TBC1D5: variants seen among roughly 807,000 people sequenced by gnomAD.
TBC1D5 encodes TBC1 domain family, member 5.
A neutral mutation model predicts 100.3 loss-of-function variants in TBC1D5; 75 were observed. The observed-to-expected ratio is 0.75, with a 90% CI of 0.62 to 0.91. TBC1D5 has a LOEUF of 0.91. TBC1D5 is among the 40% of genes least tolerant of loss of function. The probability of loss-of-function intolerance (pLI) is 0.00; values close to 1 mark genes in which losing one functional copy is unlikely to be tolerated. For missense variants in TBC1D5, 910 were observed against 942.4 expected, an observed-to-expected ratio of 0.97 and a Z score of 0.45; for synonymous variants, 323 against 325.6, an observed-to-expected ratio of 0.99 and a Z score of 0.09.
intron 13 of TBC1D5, among the ~76,000 whole-genome samples, chr3:17,340,114 C>T (rs926539409): frequency 6.6e-6 from 1 of 152,242 alleles, no homozygotes; most frequent in Non-Finnish European, 1.5e-5. Context: ...GCTCAGAGCT[C>T]CCCAGATGGA....
At chr3:17,563,439 T>C (rs2096572386) in intron 2 of TBC1D5, among the ~76,000 whole-genome samples, 1 of 151,996 alleles carries the variant, frequency 6.6e-6, no homozygotes, top group Non-Finnish European at 1.5e-5. Flanking sequence ...TACAACACAA[T>C]GAATCAGGAA....
intron 9 of TBC1D5, 152 bp from the exon 10 acceptor site, chr3:17,376,765 T>C (rs1051931293): frequency 1.8e-6 from 1 of 541,192 alleles, no homozygotes; most frequent in Non-Finnish European, 3.2e-6. Context: ...AGCTACAAGA[T>C]GAGATTTTTA....
intron 14 of TBC1D5, among the ~76,000 whole-genome samples, chr3:17,307,099 G>A (rs115449940): frequency 9.6e-4 from 146 of 152,194 alleles, no homozygotes; most frequent in Non-Finnish European, 1.7e-3. Context: ...TGTTACTAGA[G>A]GCATAACAAG....
chr3:17,305,289 C>T (rs970853158), intron 14 of TBC1D5, among the ~76,000 whole-genome samples: 44 of 152,294 alleles, frequency 2.9e-4, no homozygotes, highest in African/African-American at 1.0e-3. Context: ...CTCTGAAATG[C>T]TTATGTTAAA....
chr3:17,411,815 C>A (rs1575768574), intron 4 of TBC1D5, among the ~76,000 whole-genome samples: 1 of 152,112 alleles, frequency 6.6e-6, no homozygotes, highest in Non-Finnish European at 1.5e-5. Flanking sequence ...AAGACTGAGG[C>A]ATGTGAATTG....
At chr3:17,543,624 C>A (rs561859625) in intron 2 of TBC1D5, among the ~76,000 whole-genome samples, 18 of 151,960 alleles carry the variant, frequency 1.2e-4, no homozygotes, top group African/African-American at 4.1e-4. Context: ...GGTGACAAAG[C>A]AAGACCCCAT....
At chr3:17,715,141 A>G (rs1406941927) in intron 1 of TBC1D5, among the ~76,000 whole-genome samples, 1 of 152,260 alleles carries the variant, frequency 6.6e-6, no homozygotes, top group Non-Finnish European at 1.5e-5. Flanking sequence ...TACTAAATGT[A>G]AATGTCATAC....
intron 3 of TBC1D5, among the ~76,000 whole-genome samples, chr3:17,498,352 G>A (rs1415134983): frequency 1.3e-5 from 2 of 152,106 alleles, no homozygotes; most frequent in African/African-American, 4.8e-5. Context: ...CAGTAATGGT[G>A]AACTAATTTA....
At chr3:17,740,152 T>C (rs2077298048) in exon 1 of TBC1D5, 2 of 151,988 alleles carry the variant, frequency 1.3e-5, no homozygotes, top group South Asian at 4.2e-4. Flanking sequence ...CCTCCGTCTC[T>C]ACTAAAAAAG....
At chr3:17,329,216 T>C (rs2086580065) in intron 13 of TBC1D5, among the ~76,000 whole-genome samples, 1 of 152,224 alleles carries the variant, frequency 6.6e-6, no homozygotes, top group East Asian at 1.9e-4. Context: ...ATAACTTGAT[T>C]ACTTCAGAAT....
At chr3:17,160,087 C>T (rs748977174) in exon 22 of TBC1D5, 6 of 152,124 alleles carry the variant, frequency 3.9e-5, no homozygotes, top group Non-Finnish European at 7.3e-5. Context: ...AAGTCAAGGT[C>T]GCATTTTCCA....
intron 1 of TBC1D5, among the ~76,000 whole-genome samples, chr3:17,643,265 T>C (rs542300482): frequency 6.6e-6 from 1 of 152,268 alleles, no homozygotes; most frequent in South Asian, 2.1e-4. Context: ...AAGAATATCA[T>C]ATAAGTGATG....
chr3:17,296,444 T>G (rs1486095309), intron 14 of TBC1D5, among the ~76,000 whole-genome samples: 1 of 152,200 alleles, frequency 6.6e-6, no homozygotes, highest in Non-Finnish European at 1.5e-5. Flanking sequence ...TTCACCTTTA[T>G]TTAAAGGCCC....
At chr3:17,581,935 A>G (rs1010083964) in intron 2 of TBC1D5, among the ~76,000 whole-genome samples, 1 of 152,100 alleles carries the variant, frequency 6.6e-6, no homozygotes, top group Non-Finnish European at 1.5e-5. Flanking sequence ...GGACCTTCGT[A>G]CTTCGTGATC....
chr3:17,591,267 CAAAA>C (rs370530999), intron 2 of TBC1D5, among the ~76,000 whole-genome samples: 1 of 78,306 alleles, frequency 1.3e-5, no homozygotes, highest in South Asian at 4.1e-4. Flanking sequence ...AAAAAAAAAA[CAAAA>C]ACCCCAGAGA....
At chr3:17,605,631 A>G (rs1014256431) in intron 2 of TBC1D5, among the ~76,000 whole-genome samples, 4 of 152,208 alleles carry the variant, frequency 2.6e-5, no homozygotes, top group South Asian at 2.1e-4. Flanking sequence ...GCAGGAAAAC[A>G]AAGTTCACCT....
exon 1 of TBC1D5, chr3:17,740,325 G>A (rs2077318827): frequency 6.7e-6 from 1 of 150,122 alleles, no homozygotes; most frequent in Non-Finnish European, 1.5e-5. Context: ...GACAGAGCGA[G>A]AGTCCGTCTC....
intron 1 of TBC1D5, among the ~76,000 whole-genome samples, chr3:17,728,994 C>T (rs1250762166): frequency 9.8e-6 from 1 of 102,072 alleles, no homozygotes; most frequent in Non-Finnish European, 1.9e-5. Context: ...AGATACAATA[C>T]TCAAGTGCAC....
intron 2 of TBC1D5, among the ~76,000 whole-genome samples, chr3:17,533,418 A>G (rs1322309195): frequency 1.3e-5 from 2 of 152,222 alleles, no homozygotes; most frequent in Admixed American, 6.5e-5. Context: ...ATGGCATATC[A>G]AATCCTAATA....
Sources: gnomAD v4.1 joint callset for allele counts (sites outside exome capture counted in the v4.1 genomes callset) on GRCh38, gnomAD v4.1.1 for gene constraint, MANE v1.5 for transcripts, NCBI Gene and HGNC (gene_info 2026-07-23, HGNC 2026-07-21) for gene names.